WFDC3: variants seen among roughly 807,000 people sequenced by gnomAD.
The protein encoded by WFDC3 is WAP four-disulfide core domain 3.
WFDC3 carries 15 observed loss-of-function variants against 25.8 expected under a neutral mutation model. The ratio of observed to expected loss-of-function variants is 0.58; its 90% confidence interval spans 0.39 to 0.89. WFDC3 has a LOEUF of 0.89. Among genes scored for constraint, WFDC3 ranks in the 40% least tolerant of loss-of-function variants. WFDC3 has a pLI of 0.00. For missense variants in WFDC3, 264 were observed against 289.8 expected (o/e 0.91, Z 0.65); for synonymous variants, 103 against 107.1 (o/e 0.96, Z 0.24).
chr20:45,785,611 A>T (rs889400687), intron 4 of WFDC3, among the ~76,000 whole-genome samples: 2 of 152,116 alleles, frequency 1.3e-5, no homozygotes, highest in Admixed American at 6.6e-5. Context: ...GTATTTGGGA[A>T]TGATGGAAGA....
intron 4 of WFDC3, chr20:45,778,878 A>C (rs1359307765): frequency 6.6e-6 from 1 of 151,542 alleles, no homozygotes. Flanking sequence ...ATTGCAAAGG[A>C]GAAAGAGGGA....
At chr20:45,788,851 G>C (rs967331415) in intron 3 of WFDC3, 80 bp downstream of exon 3, 13 of 1,514,394 alleles carry the variant, frequency 8.6e-6, no homozygotes, top group African/African-American at 1.4e-5. Flanking sequence ...AACCTAGAAG[G>C]TGGGAAGCTC....
chr20:45,787,808 C>T, intron 4 of WFDC3, 28 bp downstream of exon 4: 1 of 1,594,608 alleles, frequency 6.3e-7, no homozygotes, highest in Non-Finnish European at 8.5e-7. Flanking sequence ...CCAAACAGAC[C>T]ATGAGGTGTG....
intron 4 of WFDC3, among the ~76,000 whole-genome samples, chr20:45,786,557 G>A (rs145523698): frequency 1.3e-5 from 2 of 152,042 alleles, no homozygotes; most frequent in African/African-American, 2.4e-5. Context: ...CCATGAAAGC[G>A]GGCATGGGAT....
chr20:45,782,341 T>C (rs1980483352), intron 4 of WFDC3, among the ~76,000 whole-genome samples: 1 of 152,046 alleles, frequency 6.6e-6, no homozygotes, highest in Non-Finnish European at 1.5e-5. Context: ...TCTTTTTCAT[T>C]GTTATTGGTT....
chr20:45,774,378 C>A lies in WFDC3; in HGVS notation c.*50G>T. 6.2e-7 allele frequency: 1 copy of A among 1,614,014 alleles called. No homozygotes were observed. Among genetic ancestry groups the A allele is most frequent in the South Asian group, 1.1e-5 (1 of 91,082 alleles). Reference sequence around the variant, plus strand: ...CAGGATGTCACCCTCTCTTGACTGCCAGGAAAAGCTTCCAGAATTACCAAA... The same window carrying A: ...CAGGATGTCACCCTCTCTTGACTGCAAGGAAAAGCTTCCAGAATTACCAAA... On this transcript the variant is annotated 3_prime_UTR_variant, in exon 7 of 7. Coordinates refer to ENST00000243938, the MANE Select transcript of WFDC3 (RefSeq NM_080614.2).
intron 5 of WFDC3, among the ~76,000 whole-genome samples, chr20:45,776,756 T>G (rs1409454061): frequency 6.6e-6 from 1 of 151,216 alleles, no homozygotes; most frequent in Non-Finnish European, 1.5e-5. Context: ...GGGCAACTCC[T>G]TCATTTTACA....
At chr20:45,776,598 AAAAAAAAAAAAAAAGAAAAAAAAG>A (rs1217385333) in intron 5 of WFDC3, among the ~76,000 whole-genome samples, 61 of 36,314 alleles carry the variant, frequency 1.7e-3, no homozygotes, top group Admixed American at 4.1e-3. Context: ...ACTCTGTCTC[AAAAAAAAAAAAAAAGAAAAAAAAG>A]AAAAAAAAAA....
At chr20:45,783,335 G>A (rs938169243) in intron 4 of WFDC3, among the ~76,000 whole-genome samples, 10 of 151,890 alleles carry the variant, frequency 6.6e-5, no homozygotes, top group South Asian at 2.1e-4. Flanking sequence ...ATTTCTGGCC[G>A]GACACAGTGG....
intron 4 of WFDC3, among the ~76,000 whole-genome samples, chr20:45,777,523 T>C (rs1195126238): frequency 6.6e-6 from 1 of 151,386 alleles, no homozygotes. Flanking sequence ...GCTTATTTAT[T>C]TATTTATTTT....
At chr20:45,780,130 G>A (rs1056712046) in intron 4 of WFDC3, among the ~76,000 whole-genome samples, 4 of 138,328 alleles carry the variant, frequency 2.9e-5, no homozygotes, top group East Asian at 2.2e-4. Flanking sequence ...GTGCAGTGCC[G>A]CAATGGTGGC....
At chr20:45,786,488 A>G (rs780953940) in intron 4 of WFDC3, among the ~76,000 whole-genome samples, 2 of 152,240 alleles carry the variant, frequency 1.3e-5, no homozygotes, top group African/African-American at 2.4e-5. Flanking sequence ...GTTTGAAATT[A>G]TATATTTATT....
chr20:45,775,519 T>C lies in WFDC3; in HGVS notation c.577A>G (p.Lys193Glu). ...CGGCCACAGCCTGACTTGCAACATTTTTCTCCAGCTTGACAATTCTCATCC... is the reference window on the plus strand; with the variant it reads ...CGGCCACAGCCTGACTTGCAACATTCTTCTCCAGCTTGACAATTCTCATCC... ...VMDENCQAGEKCCKSGCGRFC... is the reference protein window; with the variant it reads ...VMDENCQAGEECCKSGCGRFC... Residue 193 changes from lysine to glutamate, a missense_variant, in exon 6 of 7, where the codon AAA becomes GAA. Transcript: ENST00000243938. 1 of 1,614,178 alleles carries C rather than the reference T, an allele frequency of 6.2e-7. No individual in the cohort carries two copies. Among genetic ancestry groups the C allele is most frequent in the Non-Finnish European group, 8.5e-7 (1 of 1,180,032 alleles).
At chr20:45,776,629 A>AG (rs1022215911) in intron 5 of WFDC3, among the ~76,000 whole-genome samples, 7 of 67,152 alleles carry the variant, frequency 1.0e-4, no homozygotes, top group Admixed American at 4.1e-4. Flanking sequence ...AAAGAAAAAA[A>AG]AAAAAAATAT....
Position 45,777,179 on chromosome 20 carries a change from G to T in WFDC3, c.389C>A (p.Pro130His). ...ATCACACAGCTCCTCACACGGAAGG[G>T]GGTCAGCGGGACATTCACCACCAAA... ...AEFGGECPAD[P>H]LPCEELCDGD... The change falls in exon 5 of 7, where the codon CCC (proline) becomes CAC (histidine). Residue 130 changes from proline to histidine, a missense_variant. Transcript: ENST00000243938. The T allele has an allele frequency of 6.3e-7, 1 of 1,586,102 alleles. No homozygotes were observed. Among genetic ancestry groups the T allele is most frequent in the Non-Finnish European group, 8.6e-7 (1 of 1,166,066 alleles).
intron 4 of WFDC3, among the ~76,000 whole-genome samples, chr20:45,782,582 T>C (rs759038382): frequency 7.9e-5 from 12 of 152,152 alleles, no homozygotes; most frequent in Non-Finnish European, 1.3e-4. Context: ...TTCACCATGT[T>C]GGCCAGGCTG....
At chr20:45,777,881 TCA>T (rs953690055) in intron 4 of WFDC3, among the ~76,000 whole-genome samples, 1 of 144,544 alleles carries the variant, frequency 6.9e-6, no homozygotes, top group Non-Finnish European at 1.5e-5. Flanking sequence ...CTTTCAGGAC[TCA>T]CAGTTTGAAA....
In WFDC3 at chr20:45,789,017, T is replaced by G; in HGVS notation, c.125A>C (p.Glu42Ala). ...ECPPHKNPCK[E>A]LCQGDELCPA... ...ACACAATTCATCACCCTGGCACAGCTCTTTGCATGGGTTCTTATGGGGAGG... is the reference window on the plus strand; with the variant it reads ...ACACAATTCATCACCCTGGCACAGCGCTTTGCATGGGTTCTTATGGGGAGG... The change falls in exon 3 of 7, where the codon GAG becomes GCG. Residue 42 changes from glutamate to alanine, a missense_variant. Coordinates refer to ENST00000243938, the MANE Select transcript of WFDC3 (RefSeq NM_080614.2). 1 of 1,613,702 alleles carries G rather than the reference T, an allele frequency of 6.2e-7. No individual in the cohort carries two copies. The highest frequency in any genetic ancestry group is 8.5e-7 in the Non-Finnish European group (1 of 1,179,936).
chr20:45,787,026 A>G (rs1980697646), intron 4 of WFDC3, among the ~76,000 whole-genome samples: 1 of 144,186 alleles, frequency 6.9e-6, no homozygotes, highest in African/African-American at 2.5e-5. Context: ...CCTGGGAGGC[A>G]GAGGTTGCAG....
Sources: allele counts gnomAD v4.1 joint callset (sites outside exome capture counted in the v4.1 genomes callset), GRCh38; gene constraint gnomAD v4.1.1; transcripts MANE v1.5; gene names NCBI Gene and HGNC (gene_info 2026-07-23, HGNC 2026-07-21).